The following POU3F3 variants were observed in gnomAD, a reference collection of about 807,000 sequenced individuals.
POU3F3 encodes POU domain, class 3, transcription factor 3.
In POU3F3, 1 loss-of-function variant was observed where a neutral mutation model predicts 8.6. That is an observed-to-expected ratio of 0.12 (90% CI 0.04 to 0.55). POU3F3 has a LOEUF of 0.55. Among genes scored for constraint, POU3F3 ranks in the 20% least tolerant of loss-of-function variants. POU3F3 has a pLI of 0.91. For missense variants in POU3F3, 577 were observed against 690.7 expected (o/e 0.84, Z 1.84); for synonymous variants, 418 against 327.4 (o/e 1.28, Z -2.99).
In POU3F3 at chr2:104,856,338, C is replaced by T; in HGVS notation, c.828C>T (p.His276=). ...ELAEHHHHHH[H]HAHPHPPHPH... ...CCGAGCACCACCACCACCACCACCA[C>T]CACGCGCATCCTCACCCGCCGCACC... The change falls in exon 1 of 1, where the codon CAC becomes CAT. Residue 276 remains histidine (H), a synonymous_variant. Coordinates refer to ENST00000361360, the MANE Select transcript of POU3F3 (RefSeq NM_006236.3). The T allele has an allele frequency of 1.3e-6, 2 of 1,511,422 alleles. No homozygotes were observed. The highest frequency in any genetic ancestry group is 2.2e-4 in the Middle Eastern group (1 of 4,624). 93.6% of individuals were successfully genotyped at this position (1,511,422 alleles called of 1,614,324 possible).
At chr2:104,893,292 T>C in the POU3F3 span, among the ~76,000 whole-genome samples, 2 of 152,288 alleles carry the variant, frequency 1.3e-5, no homozygotes, top group East Asian at 1.9e-4. Flanking sequence ...CCCTCGTCAT[T>C]GGACCAGCTT....
chr2:104,869,171 TTGA>T, the POU3F3 span, among the ~76,000 whole-genome samples: 1 of 152,230 alleles, frequency 6.6e-6, no homozygotes, highest in East Asian at 1.9e-4. Context: ...GCGAGAGACC[TTGA>T]TGAAATTAGG....
chr2:104,872,689 G>T, the POU3F3 span: 4 of 231,720 alleles, frequency 1.7e-5, no homozygotes, highest in Non-Finnish European at 3.4e-5. This position sits in a 1 kb window ranked among gnomAD's most constrained non-coding sequence, Gnocchi z 4.6. Flanking sequence ...TCATAGGGAT[G>T]CTACTTTCTT....
rs1676559180 is a variant in POU3F3, at chr2:104,856,068, C to T, written c.558C>T (p.Gly186=). The T allele has an allele frequency of 3.1e-5, 29 of 929,046 alleles. No individual in the cohort carries two copies. In the South Asian group the frequency reaches 1.4e-3, roughly 46 times the overall value. The allele number at this position is 929,046 out of a possible 1,614,324, so 57.6% of individuals were successfully genotyped here. Residue 186 remains glycine, a synonymous_variant, in exon 1 of 1, where the codon GGC becomes GGT. Transcript: ENST00000361360. ...CCCCACACCAGGGCCACCCTGGGGG[C>T]TGGGGGGCGGCCGCCGCTGCCGCAG... ...PPPPHQGHPG[G]WGAAAAAAAA... is the part of the protein sequence containing the mutation.
the POU3F3 span, among the ~76,000 whole-genome samples, chr2:104,885,520 C>T: frequency 6.6e-6 from 1 of 152,220 alleles, no homozygotes; most frequent in African/African-American, 2.4e-5. Flanking sequence ...CTCTGGTCCT[C>T]CTCACTGCCC....
At chr2:104,908,280 A>C in the POU3F3 span, among the ~76,000 whole-genome samples, 282 of 152,274 alleles carry the variant, frequency 1.9e-3, 1 homozygote, top group Non-Finnish European at 3.6e-3. Flanking sequence ...CATTGATGAA[A>C]ATGCTTTGGG....
At chr2:104,925,480 G>C in the POU3F3 span, among the ~76,000 whole-genome samples, 1 of 152,120 alleles carries the variant, frequency 6.6e-6, no homozygotes. Context: ...TTAAACCTCA[G>C]ATAGAAGCAA....
the POU3F3 span, among the ~76,000 whole-genome samples, chr2:104,922,912 G>A: frequency 1.1e-4 from 17 of 152,134 alleles, no homozygotes; most frequent in Non-Finnish European, 2.1e-4. Context: ...CTACAAGAGA[G>A]AAGTAAGGGA....
the POU3F3 span, chr2:104,865,702 A>T: frequency 6.6e-6 from 1 of 152,166 alleles, no homozygotes; most frequent in Non-Finnish European, 1.5e-5. Context: ...CGCTCATTGT[A>T]CCCAGGTTTA....
At chr2:104,864,136 C>T in the POU3F3 span, among the ~76,000 whole-genome samples, 1 of 152,214 alleles carries the variant, frequency 6.6e-6, no homozygotes, top group Non-Finnish European at 1.5e-5. Context: ...GGACTGCAGG[C>T]CTAGGCCTGC....
chr2:104,903,327 C>A, the POU3F3 span, among the ~76,000 whole-genome samples: 1 of 152,308 alleles, frequency 6.6e-6, no homozygotes, highest in Admixed American at 6.5e-5. Context: ...CCACTGCATA[C>A]CAATTGGTAC....
At chr2:104,902,645 A>G in the POU3F3 span, among the ~76,000 whole-genome samples, 1 of 152,144 alleles carries the variant, frequency 6.6e-6, no homozygotes, top group Non-Finnish European at 1.5e-5. Context: ...GACTGTGTGC[A>G]TCTCCCTCAC....
At chr2:104,918,566 A>G in the POU3F3 span, among the ~76,000 whole-genome samples, 3 of 152,188 alleles carry the variant, frequency 2.0e-5, no homozygotes, top group Non-Finnish European at 4.4e-5. Context: ...CATCATGTGA[A>G]CAAGGAAGAC....
the POU3F3 span, among the ~76,000 whole-genome samples, chr2:104,901,613 A>G: frequency 6.6e-6 from 1 of 152,230 alleles, no homozygotes; most frequent in East Asian, 1.9e-4. Context: ...AATAATACTT[A>G]GCAGGGGAGG....
rs1676553578 is a variant in POU3F3 at position 104,855,911 on chromosome 2, AGCAGCCACC to A, written c.408_416del (p.Gln138_Pro140del). On this transcript the variant is annotated inframe_deletion, in exon 1 of 1. Coordinates refer to ENST00000361360, the MANE Select transcript of POU3F3 (RefSeq NM_006236.3). Reference sequence around the variant, plus strand: ...GCCGTGGGCATGGCTGGCAGCCCCCAGCAGCCACCGCAGCCGCCGCCGCCACCGCCGCAG... The same window carrying A: ...GCCGTGGGCATGGCTGGCAGCCCCCAGCAGCCGCCGCCGCCACCGCCGCAG... The A allele has an allele frequency of 3.8e-6, 4 of 1,064,768 alleles. No homozygotes were observed. The South Asian group carries it at 8.7e-5, about 23-fold the overall frequency. 66.0% of individuals were successfully genotyped at this position (1,064,768 alleles called of 1,614,324 possible).
At chr2:104,895,348 G>A in the POU3F3 span, among the ~76,000 whole-genome samples, 1 of 152,146 alleles carries the variant, frequency 6.6e-6, no homozygotes, top group Non-Finnish European at 1.5e-5. Context: ...ACTTGGTTCA[G>A]TTCCTTCGGA....
At chr2:104,868,316 A>G in the POU3F3 span, 24 of 456,736 alleles carry the variant, frequency 5.3e-5, no homozygotes, top group East Asian at 1.6e-3. Flanking sequence ...GAGCAGGTGC[A>G]AGAACAGTGC....
At chr2:104,880,704 T>C in the POU3F3 span, among the ~76,000 whole-genome samples, 2 of 152,182 alleles carry the variant, frequency 1.3e-5, no homozygotes, top group African/African-American at 4.8e-5. Context: ...GTCCTAAAGG[T>C]CAGGGTGTGT....
the POU3F3 span, among the ~76,000 whole-genome samples, chr2:104,885,226 C>T: frequency 6.6e-6 from 1 of 152,212 alleles, no homozygotes. Context: ...GTGAACACCA[C>T]AGTTTATATG....
Sources: allele counts gnomAD v4.1 joint callset (sites outside exome capture counted in the v4.1 genomes callset), GRCh38; gene constraint gnomAD v4.1.1; non-coding constraint Gnocchi (gnomAD v3.1); transcripts MANE v1.5; gene names NCBI Gene and HGNC (gene_info 2026-07-23, HGNC 2026-07-21).